Variants in MRPS10 observed in about 807,000 individuals in gnomAD.
MRPS10 encodes small ribosomal subunit protein uS10m.
In MRPS10, 23 loss-of-function variants were observed where a neutral mutation model predicts 27.5. The ratio of observed to expected loss-of-function variants is 0.84; its 90% CI spans 0.60 to 1.18. MRPS10 has a LOEUF of 1.18. Ranked by LOEUF, MRPS10 falls within the 50% of genes most tolerant of loss-of-function variation. The probability of loss-of-function intolerance (pLI) is 0.00; values close to 1 mark genes in which losing one functional copy is unlikely to be tolerated. For missense variants in MRPS10, 237 were observed against 240.1 expected, an observed-to-expected ratio of 0.99 and a Z score of 0.09; for synonymous variants, 88 against 84.2, an observed-to-expected ratio of 1.04 and a Z score of -0.25.
At chr6:42,213,251 C>T (rs537074997) in intron 3 of MRPS10, among the ~76,000 whole-genome samples, 1 of 152,166 alleles carries the variant, frequency 6.6e-6, no homozygotes, top group African/African-American at 2.4e-5. Context: ...GAATTTGAGA[C>T]CAGCCTGGCC....
chr6:42,211,647 C>T (rs976971483), intron 4 of MRPS10, 134 bp downstream of exon 4: 2 of 858,774 alleles, frequency 2.3e-6, no homozygotes, highest in Admixed American at 6.3e-5. Flanking sequence ...GTACTCCAGC[C>T]TGGGCAACAG....
At position 42,208,040 on chromosome 6, in the gene MRPS10, C is replaced by T. The variant is rs1768656764; in HGVS notation, c.*249G>A. ...TAACAAAATAGAATTTTCACTCTTT[C>T]TGCTTTCAGTCAAAGTGGTTTGCTC... On this transcript the variant is annotated 3_prime_UTR_variant, in exon 7 of 7. Transcript: ENST00000053468. 4.2e-6 allele frequency: 2 copies of T among 475,386 alleles called. No individual in the cohort carries two copies. Among genetic ancestry groups the T allele is most frequent in the Middle Eastern group, 5.6e-4 (1 of 1,780 alleles). The allele number at this position is 475,386 out of a possible 1,614,324, so 29.4% of individuals were successfully genotyped here. A position where few individuals can be genotyped will look rare whatever the true frequency, so the allele number is the denominator to read the frequency against.
intron 1 of MRPS10, among the ~76,000 whole-genome samples, chr6:42,217,376 G>A (rs749872211): frequency 5.3e-5 from 8 of 152,172 alleles, no homozygotes; most frequent in Non-Finnish European, 1.2e-4. Context: ...TCTCTGGCTT[G>A]AGACCTTCAT....
intron 1 of MRPS10, among the ~76,000 whole-genome samples, chr6:42,216,021 C>CTTTTCTTTTTTTTTTTTTTTT (rs1768917803): frequency 4.4e-5 from 1 of 22,918 alleles, no homozygotes; most frequent in African/African-American, 8.8e-5. Flanking sequence ...TTTTTTTTTT[C>CTTTTCTTTTTTTTTTTTTTTT]TTTTCTTTTT....
At chr6:42,213,529 A>G (rs1768840734) in intron 3 of MRPS10, among the ~76,000 whole-genome samples, 1 of 152,226 alleles carries the variant, frequency 6.6e-6, no homozygotes, top group Non-Finnish European at 1.5e-5. Flanking sequence ...GTGCACAGAC[A>G]AAGTGAGTAC....
rs145827321 is a variant in MRPS10, at chr6:42,214,285, C to G, written c.108G>C (p.Leu36Phe). The G allele has an allele frequency of 6.3e-5, 101 of 1,612,612 alleles. No individual in the cohort carries two copies. The Middle Eastern group carries it at 6.6e-4, about 11-fold the overall frequency. The change falls in exon 2 of 7, where the codon TTG (leucine) becomes TTC (phenylalanine). Residue 36 changes from leucine to phenylalanine, a missense_variant. Coordinates refer to ENST00000053468, the MANE Select transcript of MRPS10 (RefSeq NM_018141.4). ...SKGNTAKNGG[L>F]LLSTNMKWVQ... ...ACATCCAATTGTATACTTACAGAAG[C>G]AAGCCACCATTTTTGGCTGTATTGC...
Position 42,207,417 on chromosome 6 carries a change from T to TAG in MRPS10, c.*871_*872insCT, listed in dbSNP as rs1382283188. On this transcript the variant is annotated 3_prime_UTR_variant, in exon 7 of 7. Coordinates refer to ENST00000053468, the MANE Select transcript of MRPS10 (RefSeq NM_018141.4). ...TTGTATTTTTATTAGAGACGGGGTT[T>TAG]CACCGTGTTAGCCAGGATGGTCTGG... is the stretch of plus-strand genomic sequence containing the variant. The TAG allele has an allele frequency of 6.6e-6, 1 of 152,166 alleles. No individual in the cohort carries two copies. The highest frequency in any genetic ancestry group is 1.5e-5 in the Non-Finnish European group (1 of 68,054). 9.4% of individuals were successfully genotyped at this position (152,166 alleles called of 1,614,324 possible).
Position 42,217,801 on chromosome 6 carries a change from C to A in MRPS10, c.48+1G>T, listed in dbSNP as rs1397552503. On this transcript the variant is annotated splice_donor_variant, in intron 1 of 6. Transcript: ENST00000053468. LOFTEE classifies it high-confidence loss of function. Reference sequence around the variant, plus strand: ...CCTAGTCTCCCTAGCCAATCCAGTACCTGCCAGAGGCGCCGGCACACAGCA... The same window carrying A: ...CCTAGTCTCCCTAGCCAATCCAGTAACTGCCAGAGGCGCCGGCACACAGCA... The A allele has an allele frequency of 6.2e-7, 1 of 1,614,178 alleles. No homozygotes were observed. The highest frequency in any genetic ancestry group is 1.7e-5 in the Admixed American group (1 of 60,010).
At chr6:42,213,898 G>GT (rs1169316100) in intron 3 of MRPS10, among the ~76,000 whole-genome samples, 2 of 152,284 alleles carry the variant, frequency 1.3e-5, no homozygotes, top group African/African-American at 4.8e-5. Context: ...AATTAACACA[G>GT]TTATTTGGGG....
intron 3 of MRPS10, among the ~76,000 whole-genome samples, chr6:42,213,057 G>A (rs1391918071): frequency 6.6e-6 from 1 of 152,218 alleles, no homozygotes. Flanking sequence ...TATAAAGACA[G>A]TGGCACACCA....
chr6:42,216,022 T>G (rs1768917520), intron 1 of MRPS10, among the ~76,000 whole-genome samples: 1 of 24,376 alleles, frequency 4.1e-5, no homozygotes, highest in South Asian at 3.0e-3. Flanking sequence ...TTTTTTTTTC[T>G]TTTCTTTTTT....
intron 1 of MRPS10, among the ~76,000 whole-genome samples, 170 bp from the exon 2 acceptor site, chr6:42,214,514 T>C (rs979866549): frequency 3.3e-5 from 5 of 150,802 alleles, no homozygotes; most frequent in Non-Finnish European, 7.4e-5. Flanking sequence ...GTAGAGCTGA[T>C]GATAAAAAAA....
intron 3 of MRPS10, among the ~76,000 whole-genome samples, chr6:42,213,342 G>A (rs1239508766): frequency 6.6e-5 from 10 of 152,152 alleles, no homozygotes; most frequent in African/African-American, 1.9e-4. Context: ...CCAGCTAGTC[G>A]GGAGGCTAAG....
In MRPS10 at chr6:42,206,815, C is replaced by A. The variant is rs1352865000; in HGVS notation, c.*1474G>T. 6.6e-6 allele frequency: 1 copy of A among 152,112 alleles called. No homozygotes were observed. Among genetic ancestry groups the A allele is most frequent in the Non-Finnish European group, 1.5e-5 (1 of 68,026 alleles). The allele number at this position is 152,112 out of a possible 1,614,324, so 9.4% of individuals were successfully genotyped here. On this transcript the variant is annotated 3_prime_UTR_variant, in exon 7 of 7. Coordinates refer to ENST00000053468, the MANE Select transcript of MRPS10 (RefSeq NM_018141.4). ...AACAACTGAGCTGAAGGTCATGGGG[C>A]ACAAAGCTGCAATTCTTTTAATGGT...
intron 1 of MRPS10, among the ~76,000 whole-genome samples, chr6:42,216,381 A>AGTGTGTGTGTGTGTGTGT (rs1171760790): frequency 6.3e-5 from 2 of 31,986 alleles, no homozygotes; most frequent in African/African-American, 1.3e-4. Flanking sequence ...AGAGAGAGAG[A>AGTGTGTGTGTGTGTGTGT]GAGAGTGTGT....
In MRPS10 at chr6:42,217,837, T is replaced by C. The variant is rs1363311377; in HGVS notation, c.13A>G (p.Thr5Ala). 23 of 1,614,126 alleles carry C rather than the reference T, an allele frequency of 1.4e-5. No homozygotes were observed. The highest frequency in any genetic ancestry group is 1.9e-5 in the Non-Finnish European group (23 of 1,180,020). ...CGCCGGCACACAGCACCGAACGCTGTCCGCGCCGCCATCTTGCCGGTCCCG... is the reference window on the plus strand; with the variant it reads ...CGCCGGCACACAGCACCGAACGCTGCCCGCGCCGCCATCTTGCCGGTCCCG... Reference protein sequence around the residue: MAARTAFGAVCRRLW... With the variant: MAARAAFGAVCRRLW... Residue 5 changes from threonine to alanine, a missense_variant, in exon 1 of 7, where the codon ACA becomes GCA. Around this residue, in one of 3 missense-constraint regions of MRPS10, gnomAD observed 164 missense variants for 137.8 expected, o/e 1.19. Coordinates refer to ENST00000053468, the MANE Select transcript of MRPS10 (RefSeq NM_018141.4).
At position 42,217,450 on chromosome 6, in the gene MRPS10, C is replaced by T. The variant is rs113863466; in HGVS notation, c.48+352G>A. ...CATGGGAAGAGTCTGATATCTTGCACCAGCTCAGCCTCTAATTTTCGCGAG... is the reference window on the plus strand; with the variant it reads ...CATGGGAAGAGTCTGATATCTTGCATCAGCTCAGCCTCTAATTTTCGCGAG... On this transcript the variant is annotated intron_variant, in intron 1 of 6. Transcript: ENST00000053468. Among the ~76,000 whole-genome samples, 327 of 152,284 alleles carry T rather than the reference C, an allele frequency of 2.1e-3. 2 individuals carry two copies. The highest frequency in any genetic ancestry group is 7.3e-3 in the African/African-American group (305 of 41,538).
intron 6 of MRPS10, 126 bp downstream of exon 6, chr6:42,208,732 C>T: frequency 3.0e-6 from 2 of 662,210 alleles, no homozygotes; most frequent in Non-Finnish European, 5.2e-6. Flanking sequence ...ACTGTGTCTC[C>T]CAGTTTGCCA....
At position 42,211,478 on chromosome 6, in the gene MRPS10, C is replaced by T. The variant is rs113572891; in HGVS notation, c.323+303G>A. Among the ~76,000 whole-genome samples the T allele has an allele frequency of 2.2e-3, 340 of 152,194 alleles. 2 individuals are homozygous for T. The highest frequency in any genetic ancestry group is 7.4e-3 in the African/African-American group (306 of 41,530). The stretch of plus-strand genomic sequence containing the variant: ...GGCAATTTGCCTGAGCTCAGGAGTT[C>T]GAGACCAGCCTGGGCAACACAGTGA... On this transcript the variant is annotated intron_variant, in intron 4 of 6. Transcript: ENST00000053468.
Sources: gnomAD v4.1 joint callset for allele counts (sites outside exome capture counted in the v4.1 genomes callset) on GRCh38, gnomAD v4.1.1 for gene constraint, gnomAD v4.1.1 regional missense constraint, MANE v1.5 for transcripts, NCBI Gene and HGNC (gene_info 2026-07-23, HGNC 2026-07-21) for gene names.